ITGA6: variants seen among roughly 807,000 people sequenced by gnomAD.
ITGA6 encodes the protein integrin subunit alpha 6.
In ITGA6, 63 loss-of-function variants were observed where a neutral mutation model predicts 133.6. The observed-to-expected ratio is 0.47, with a 90% confidence interval of 0.38 to 0.58. The LOEUF (loss-of-function observed/expected upper bound fraction) is 0.58. ITGA6 is among the 20% of genes least tolerant of loss of function. ITGA6 has a pLI of 0.00. For missense variants in ITGA6, 1,068 were observed against 1,309.4 expected, an observed-to-expected ratio of 0.82 and a Z score of 2.85; for synonymous variants, 434 against 482.0, an observed-to-expected ratio of 0.90 and a Z score of 1.30.
At chr2:172,479,897 G>A (rs988536932) in intron 10 of ITGA6, 93 bp from the exon 11 acceptor site, 2 of 1,041,110 alleles carry the variant, frequency 1.9e-6, no homozygotes, top group Middle Eastern at 2.0e-4. Flanking sequence ...ATCATCAATG[G>A]GCATTGGGGG....
intron 9 of ITGA6, 148 bp from the exon 10 acceptor site, chr2:172,479,493 T>C: frequency 1.3e-6 from 1 of 746,122 alleles, no homozygotes. Flanking sequence ...AGTTATTTTC[T>C]TCAGCAATGG....
chr2:172,475,017 G>A lies in ITGA6; in HGVS notation c.1075G>A (p.Gly359Ser), dbSNP rs754361773. 1 of 1,595,496 alleles carries A rather than the reference G, an allele frequency of 6.3e-7. No individual in the cohort carries two copies. Among genetic ancestry groups the A allele is most frequent in the Non-Finnish European group, 8.6e-7 (1 of 1,162,946 alleles). Residue 359 changes from glycine (G) to serine (S), a missense_variant, in exon 7 of 26, where the codon GGC (glycine) becomes AGC (serine). Physicochemically the swap from Gly to Ser is moderately conservative, Grantham distance 56. Coordinates refer to ENST00000684293, the MANE Select transcript of ITGA6 (RefSeq NM_000210.4). The part of the protein sequence containing the change: ...GAVYVYMNQQ[G>S]RWNNVKPIRL... The stretch of plus-strand genomic sequence containing the variant: ...AGTGTATGTCTACATGAACCAGCAA[G>A]GCAGATGGAATAATGTGAAGCCAAT...
intron 1 of ITGA6, among the ~76,000 whole-genome samples, chr2:172,434,650 G>A (rs1684243618): frequency 6.6e-6 from 1 of 152,144 alleles, no homozygotes; most frequent in South Asian, 2.1e-4. Flanking sequence ...GGAATGGGAT[G>A]AAGTACCACT....
intron 24 of ITGA6, among the ~76,000 whole-genome samples, chr2:172,498,775 TTA>T (rs1687232658): frequency 6.6e-6 from 1 of 152,188 alleles, no homozygotes; most frequent in African/African-American, 2.4e-5. Flanking sequence ...CCTAAAAATT[TTA>T]GATTATTCCC....
At chr2:172,450,892 CAAAT>C (rs1350712969) in intron 1 of ITGA6, among the ~76,000 whole-genome samples, 1 of 144,004 alleles carries the variant, frequency 6.9e-6, no homozygotes, top group Non-Finnish European at 1.5e-5. Flanking sequence ...TATTTATATA[CAAAT>C]ATATATTTAT....
At chr2:172,489,178 CAT>C (rs1220151562) in intron 19 of ITGA6, among the ~76,000 whole-genome samples, 8 of 152,328 alleles carry the variant, frequency 5.3e-5, no homozygotes, top group Non-Finnish European at 8.8e-5. Context: ...CAAATTCACA[CAT>C]GATTTTCCCT....
Position 172,471,045 on chromosome 2 carries a change from G to A in ITGA6, c.715G>A (p.Val239Ile), listed in dbSNP as rs770912051. ...CATCTTTGAAGATGGGCCTTATGAA[G>A]TTGGTGGAGAGACTGAGCATGATGA... ...MNIFEDGPYE[V>I]GGETEHDESL... Residue 239 changes from valine (V) to isoleucine (I), a missense_variant, in exon 5 of 26, where the codon GTT becomes ATT. Coordinates refer to ENST00000684293, the MANE Select transcript of ITGA6 (RefSeq NM_000210.4). The A allele has an allele frequency of 6.2e-7, 1 of 1,614,182 alleles. No individual in the cohort carries two copies. The highest frequency in any genetic ancestry group is 8.5e-7 in the Non-Finnish European group (1 of 1,179,996).
chr2:172,431,787 G>A (rs564551323), intron 1 of ITGA6, among the ~76,000 whole-genome samples: 14 of 152,320 alleles, frequency 9.2e-5, no homozygotes, highest in South Asian at 8.3e-4. Flanking sequence ...GCAGAAATAG[G>A]CAAGTTTAAT....
chr2:172,437,777 T>A (rs1684384347), intron 1 of ITGA6, among the ~76,000 whole-genome samples: 2 of 148,464 alleles, frequency 1.3e-5, no homozygotes. Flanking sequence ...GCCTGAGCCC[T>A]ATGGTGTTCT....
At chr2:172,493,529 C>T (rs2357634) in intron 23 of ITGA6, among the ~76,000 whole-genome samples, 79,812 of 151,876 alleles carry the variant, frequency 0.53, 22,687 homozygotes, top group East Asian at 0.87. Flanking sequence ...CTCTATCATT[C>T]AAACTTCAGA....
At position 172,487,473 on chromosome 2, in the gene ITGA6, A is replaced by G; in HGVS notation, c.2160+20A>G. The G allele has an allele frequency of 6.2e-7, 1 of 1,612,276 alleles. No homozygotes were observed. The highest frequency in any genetic ancestry group is 2.2e-5 in the East Asian group (1 of 44,864). ...TTCCCTGTAAGTATTGTTAGAGACCAGCTGAGAGGGGAAAAAAATCAACAC... is the reference window on the plus strand; with the variant it reads ...TTCCCTGTAAGTATTGTTAGAGACCGGCTGAGAGGGGAAAAAAATCAACAC... On this transcript the variant is annotated intron_variant, in intron 15 of 25. Transcript: ENST00000684293.
intron 1 of ITGA6, among the ~76,000 whole-genome samples, chr2:172,443,350 C>T (rs75467561): frequency 1.3e-5 from 2 of 152,298 alleles, no homozygotes; most frequent in African/African-American, 4.8e-5. Context: ...AATTTCTAAT[C>T]CTTCGCCGTT....
intron 1 of ITGA6, among the ~76,000 whole-genome samples, chr2:172,448,227 C>A (rs12469788): frequency 0.15 from 22,764 of 151,772 alleles, 1,912 homozygotes; most frequent in Non-Finnish European, 0.18. Context: ...TCTCAAAGTA[C>A]TTAATAGACG....
chr2:172,446,622 C>G (rs981692547), intron 1 of ITGA6, among the ~76,000 whole-genome samples: 3 of 152,192 alleles, frequency 2.0e-5, no homozygotes, highest in African/African-American at 7.2e-5. Flanking sequence ...GGAAAACTCA[C>G]TAGAGATTGG....
At position 172,488,048 on chromosome 2, in the gene ITGA6, T is replaced by C. The variant is rs1559150145; in HGVS notation, c.2402+10T>C. On this transcript the variant is annotated intron_variant, in intron 18 of 25. Transcript: ENST00000684293. ...TTTTATCGGTCTCGGGGTAAGTGTTTGTGTTTAGCATAACAAATCAATGTT... is the reference window on the plus strand; with the variant it reads ...TTTTATCGGTCTCGGGGTAAGTGTTCGTGTTTAGCATAACAAATCAATGTT... 20 of 1,613,798 alleles carry C rather than the reference T, an allele frequency of 1.2e-5. No individual in the cohort carries two copies. Among genetic ancestry groups the C allele is most frequent in the Non-Finnish European group, 1.7e-5 (20 of 1,179,658 alleles).
intron 1 of ITGA6, among the ~76,000 whole-genome samples, chr2:172,456,145 T>G (rs1022287062): frequency 6.6e-6 from 1 of 152,110 alleles, no homozygotes; most frequent in Admixed American, 6.5e-5. Flanking sequence ...AGCAGGCACT[T>G]CCCCCTGCAG....
intron 20 of ITGA6, chr2:172,490,757 A>C: frequency 2.5e-6 from 1 of 394,632 alleles, no homozygotes; most frequent in Non-Finnish European, 4.8e-6. Flanking sequence ...GATACAGAGG[A>C]ACAAAGAAAG....
At chr2:172,485,395 G>A (rs1441902389) in intron 13 of ITGA6, 131 bp downstream of exon 13, 2 of 840,656 alleles carry the variant, frequency 2.4e-6, no homozygotes, top group East Asian at 2.5e-5. Flanking sequence ...TGTTTTTAAT[G>A]TACGCAAAGT....
At chr2:172,445,420 C>T (rs1204656517) in intron 1 of ITGA6, among the ~76,000 whole-genome samples, 4 of 146,700 alleles carry the variant, frequency 2.7e-5, no homozygotes, top group South Asian at 2.2e-4. Flanking sequence ...GAGACCGAGG[C>T]GGGCAGATCA....
Sources: allele counts gnomAD v4.1 joint callset (sites outside exome capture counted in the v4.1 genomes callset), GRCh38; gene constraint gnomAD v4.1.1; transcripts MANE v1.5; gene names NCBI Gene and HGNC (gene_info 2026-07-23, HGNC 2026-07-21).